Variants in KIF5B observed in about 807,000 individuals in gnomAD.
KIF5B encodes the protein kinesin family member 5B, also known as kinesin-1 heavy chain.
Under a neutral mutation model 132.8 loss-of-function variants are expected in KIF5B, and 49 were observed. That is an observed-to-expected ratio of 0.37 (90% CI 0.29 to 0.47). The LOEUF (loss-of-function observed/expected upper bound fraction) is 0.47, where lower values mean the gene tolerates loss of function less well. KIF5B is among the 20% of genes least tolerant of loss of function. The probability of loss-of-function intolerance (pLI) is 1.00; values close to 1 mark genes in which losing one functional copy is unlikely to be tolerated. For synonymous variants in KIF5B, 355 were observed against 369.4 expected (o/e 0.96, Z 0.45); for missense variants, 780 against 1,144.0 (o/e 0.68, Z 4.59).
chr10:32,015,011 GT>G (rs1841139577), intron 25 of KIF5B, among the ~76,000 whole-genome samples: 1 of 151,908 alleles, frequency 6.6e-6, no homozygotes, highest in Admixed American at 6.6e-5. Flanking sequence ...TGTAATCCCA[GT>G]TTGGGAGGCT....
chr10:32,053,439 AC>A (rs1564472266), intron 1 of KIF5B, among the ~76,000 whole-genome samples: 3 of 149,524 alleles, frequency 2.0e-5, no homozygotes, highest in Admixed American at 6.6e-5. Flanking sequence ...AAAAAAAAAA[AC>A]CAGGCCAGGC....
intron 2 of KIF5B, among the ~76,000 whole-genome samples, chr10:32,044,704 G>A (rs1348606500): frequency 1.3e-5 from 2 of 151,906 alleles, no homozygotes; most frequent in Non-Finnish European, 2.9e-5. Context: ...AGAAGACAAC[G>A]ACAGAGGACA....
chr10:32,053,345 A>C (rs1841716528), intron 1 of KIF5B, among the ~76,000 whole-genome samples: 1 of 152,120 alleles, frequency 6.6e-6, no homozygotes, highest in African/African-American at 2.4e-5. Context: ...GTTTCTGAAA[A>C]CAATGAACCA....
At chr10:32,036,571 C>CA (rs1841461839) in intron 8 of KIF5B, among the ~76,000 whole-genome samples, 1 of 152,136 alleles carries the variant, frequency 6.6e-6, no homozygotes, top group African/African-American at 2.4e-5. Flanking sequence ...GGGCATGTGC[C>CA]ACCATGCCCA....
rs1286201624 is a variant in KIF5B, at chr10:32,034,704, T to C, written c.1097A>G (p.Asn366Ser). Reference sequence around the variant, plus strand: ...TAAGTTATTACCATTACGCCATCTGTTGAGCTCATTTTCAAGCCACTGAAT... The same window carrying C: ...TAAGTTATTACCATTACGCCATCTGCTGAGCTCATTTTCAAGCCACTGAAT... ...NTIQWLENEL[N>S]RWRNGETVPI... Residue 366 changes from asparagine to serine, a missense_variant, in exon 11 of 26, where the codon AAC becomes AGC. Coordinates refer to ENST00000302418, the MANE Select transcript of KIF5B (RefSeq NM_004521.3). 1 of 1,592,878 alleles carries C rather than the reference T, an allele frequency of 6.3e-7. No homozygotes were observed. The highest frequency in any genetic ancestry group is 8.5e-7 in the Non-Finnish European group (1 of 1,172,722).
intron 1 of KIF5B, among the ~76,000 whole-genome samples, chr10:32,048,990 T>G (rs1841652053): frequency 6.6e-6 from 1 of 152,104 alleles, no homozygotes; most frequent in Admixed American, 6.6e-5. Context: ...CACCTTAGCC[T>G]CCTGAGCAGC....
intron 2 of KIF5B, among the ~76,000 whole-genome samples, 195 bp from the exon 3 acceptor site, chr10:32,040,652 CA>C (rs1564469418): frequency 1.0e-4 from 15 of 150,530 alleles, no homozygotes; most frequent in Non-Finnish European, 1.8e-4. Context: ...CACACACACA[CA>C]CACACCCTCT....
intron 2 of KIF5B, among the ~76,000 whole-genome samples, 198 bp from the exon 3 acceptor site, chr10:32,040,655 A>T (rs1283044341): frequency 7.4e-6 from 1 of 134,876 alleles, no homozygotes; most frequent in Non-Finnish European, 1.6e-5. Context: ...ACACACACAC[A>T]CACCCTCTTC....
intron 12 of KIF5B, 114 bp downstream of exon 12, chr10:32,033,731 G>A: frequency 1.7e-6 from 1 of 605,670 alleles, no homozygotes; most frequent in Non-Finnish European, 2.8e-6. Flanking sequence ...AATCAAGGAA[G>A]ATGCATAAAG....
intron 1 of KIF5B, 24 bp downstream of exon 1, chr10:32,055,824 G>A (rs752308595): frequency 1.5e-5 from 24 of 1,609,314 alleles, no homozygotes; most frequent in Admixed American, 3.3e-5. Flanking sequence ...AGCGGGAGGA[G>A]GGATGCCGGC....
chr10:32,039,035 C>T (rs1841498684), intron 4 of KIF5B, among the ~76,000 whole-genome samples: 2 of 152,116 alleles, frequency 1.3e-5, no homozygotes, highest in African/African-American at 4.8e-5. Context: ...ACATTATCTT[C>T]ATCTAAAATG....
chr10:32,023,649 C>T (rs1841294003), intron 15 of KIF5B, among the ~76,000 whole-genome samples: 1 of 152,188 alleles, frequency 6.6e-6, no homozygotes, highest in Admixed American at 6.5e-5. Flanking sequence ...ATAATCAAAA[C>T]AGTACAGTGC....
At chr10:32,016,283 CCT>C (rs1168676910) in intron 24 of KIF5B, among the ~76,000 whole-genome samples, 4 of 152,062 alleles carry the variant, frequency 2.6e-5, no homozygotes, top group African/African-American at 7.2e-5. Context: ...AAGGAGAAAC[CCT>C]GTCTCTACTA....
chr10:32,018,261 T>C, intron 22 of KIF5B, 55 bp downstream of exon 22: 1 of 1,444,166 alleles, frequency 6.9e-7, no homozygotes, highest in Non-Finnish European at 9.3e-7. Flanking sequence ...TACAAATAAT[T>C]ACCTAGAAGT....
intron 14 of KIF5B, among the ~76,000 whole-genome samples, chr10:32,030,222 A>C (rs1841384928): frequency 6.6e-6 from 1 of 152,130 alleles, no homozygotes; most frequent in African/African-American, 2.4e-5. Flanking sequence ...GCAAGTAAAA[A>C]TCTCCATCTA....
Position 32,034,637 on chromosome 10 carries a change from T to C in KIF5B, c.1111+53A>G, listed in dbSNP as rs180714102. On this transcript the variant is annotated intron_variant, in intron 11 of 25. Transcript: ENST00000302418. Reference sequence around the variant, plus strand: ...TTGCTGAACTATTTCTACGTTTCTATGCTCTAAATCTGTATTTAACAAACT... The same window carrying C: ...TTGCTGAACTATTTCTACGTTTCTACGCTCTAAATCTGTATTTAACAAACT... The C allele has an allele frequency of 1.9e-4, 250 of 1,318,886 alleles. 1 individual carries two copies. The African/African-American group carries it at 2.9e-3, about 15-fold the overall frequency. 81.7% of individuals were successfully genotyped at this position (1,318,886 alleles called of 1,614,324 possible).
chr10:32,025,400 G>A (rs1298697226), intron 15 of KIF5B, among the ~76,000 whole-genome samples: 3 of 152,162 alleles, frequency 2.0e-5, no homozygotes, highest in Non-Finnish European at 2.9e-5. Flanking sequence ...TTTGGAGACA[G>A]AGTCTCACTC....
intron 8 of KIF5B, among the ~76,000 whole-genome samples, chr10:32,036,975 GT>G (rs1478133610): frequency 6.9e-6 from 1 of 145,594 alleles, no homozygotes; most frequent in Admixed American, 6.8e-5. Flanking sequence ...ATCTAATAAA[GT>G]TTATAACAAC....
intron 13 of KIF5B, among the ~76,000 whole-genome samples, chr10:32,032,042 C>G (rs1211555634): frequency 6.6e-6 from 1 of 151,360 alleles, no homozygotes; most frequent in African/African-American, 2.4e-5. Context: ...AAAATCTGAA[C>G]TGCAGGGATG....
Sources: gnomAD v4.1 joint callset for allele counts (sites outside exome capture counted in the v4.1 genomes callset) on GRCh38, gnomAD v4.1.1 for gene constraint, MANE v1.5 for transcripts, NCBI Gene and HGNC (gene_info 2026-07-23, HGNC 2026-07-21) for gene names.